Variants in RTN1 observed in about 807,000 individuals in gnomAD.
RTN1 encodes reticulon 1, also known as reticulon-1.
RTN1 carries 25 observed loss-of-function variants against 65.5 expected under a neutral mutation model. The ratio of observed to expected loss-of-function variants is 0.38; its 90% CI spans 0.28 to 0.53. The LOEUF (loss-of-function observed/expected upper bound fraction) is 0.53. RTN1 is among the 20% of genes least tolerant of loss of function. The pLI is 0.79. For synonymous variants in RTN1, 471 were observed against 447.6 expected, an observed-to-expected ratio of 1.05 and a Z score of -0.66; for missense variants, 983 against 1,025.4, an observed-to-expected ratio of 0.96 and a Z score of 0.57.
intron 1 of RTN1, among the ~76,000 whole-genome samples, chr14:59,764,062 T>C (rs1566718965): frequency 6.6e-6 from 1 of 152,006 alleles, no homozygotes; most frequent in Non-Finnish European, 1.5e-5. Flanking sequence ...GCAGAACTAA[T>C]AGCAAAACCA....
intron 3 of RTN1, among the ~76,000 whole-genome samples, chr14:59,639,283 A>G (rs1266127090): frequency 6.6e-6 from 1 of 152,238 alleles, no homozygotes; most frequent in African/African-American, 2.4e-5. Flanking sequence ...TGTCATAACT[A>G]GAAAAGAGTT....
intron 3 of RTN1, among the ~76,000 whole-genome samples, chr14:59,664,359 C>T (rs1883317489): frequency 1.3e-5 from 2 of 152,054 alleles, no homozygotes; most frequent in African/African-American, 4.8e-5. Flanking sequence ...GGAGAAATAC[C>T]TAATGTAGAT....
intron 3 of RTN1, among the ~76,000 whole-genome samples, chr14:59,615,819 T>TA (rs1441992251): frequency 2.0e-5 from 3 of 152,198 alleles, no homozygotes; most frequent in Non-Finnish European, 1.5e-5. Context: ...AGAAAAGAGA[T>TA]AGATTTATTT....
chr14:59,728,185 G>C (rs145426399), intron 2 of RTN1, among the ~76,000 whole-genome samples: 1 of 151,528 alleles, frequency 6.6e-6, no homozygotes, highest in African/African-American at 2.4e-5. Context: ...AGACAAAGCA[G>C]GTAGTTTTGA....
At chr14:59,767,798 G>C (rs761273831) in intron 1 of RTN1, among the ~76,000 whole-genome samples, 1 of 152,028 alleles carries the variant, frequency 6.6e-6, no homozygotes, top group Non-Finnish European at 1.5e-5. Flanking sequence ...TCATTGCTTT[G>C]TTCTTCTTAC....
intron 3 of RTN1, among the ~76,000 whole-genome samples, chr14:59,625,964 A>AT (rs897444461): frequency 3.9e-5 from 6 of 152,160 alleles, no homozygotes; most frequent in Admixed American, 1.3e-4. Context: ...CAGTTTTCCC[A>AT]TTGGATCCCA....
At chr14:59,720,483 A>G (rs1357510672) in intron 3 of RTN1, among the ~76,000 whole-genome samples, 1 of 152,104 alleles carries the variant, frequency 6.6e-6, no homozygotes, top group Non-Finnish European at 1.5e-5. Flanking sequence ...GCATTTTGAG[A>G]GGCCAAGGCA....
intron 1 of RTN1, among the ~76,000 whole-genome samples, chr14:59,848,190 T>C (rs1887442370): frequency 6.6e-6 from 1 of 152,226 alleles, no homozygotes; most frequent in Non-Finnish European, 1.5e-5. Flanking sequence ...AGGATCTAAC[T>C]TGTAATGGTC....
At chr14:59,815,705 G>A (rs949913798) in intron 1 of RTN1, among the ~76,000 whole-genome samples, 23 of 152,042 alleles carry the variant, frequency 1.5e-4, no homozygotes, top group Non-Finnish European at 2.9e-4. Flanking sequence ...CAACCTTTAG[G>A]CCTTCTCCTG....
At chr14:59,712,454 G>A (rs940928222) in intron 3 of RTN1, among the ~76,000 whole-genome samples, 4 of 152,118 alleles carry the variant, frequency 2.6e-5, no homozygotes, top group Non-Finnish European at 5.9e-5. Context: ...GAAACCTCCC[G>A]AGAGGCAACC....
At chr14:59,841,918 G>C (rs547771836) in intron 1 of RTN1, among the ~76,000 whole-genome samples, 2 of 152,168 alleles carry the variant, frequency 1.3e-5, no homozygotes, top group African/African-American at 2.4e-5. Context: ...CCTGAGGTCA[G>C]GAGTTCAAGA....
At chr14:59,802,050 G>C (rs1279284535) in intron 1 of RTN1, among the ~76,000 whole-genome samples, 2 of 152,158 alleles carry the variant, frequency 1.3e-5, no homozygotes, top group Non-Finnish European at 2.9e-5. Context: ...ATGTGATAGA[G>C]GAAATTGTGA....
chr14:59,817,860 A>T (rs565030930), intron 1 of RTN1, among the ~76,000 whole-genome samples: 1 of 152,324 alleles, frequency 6.6e-6, no homozygotes, highest in African/African-American at 2.4e-5. Flanking sequence ...GTGAGATCAA[A>T]TAGTTTTCTT....
intron 1 of RTN1, among the ~76,000 whole-genome samples, chr14:59,798,278 T>C (rs1014606109): frequency 4.6e-5 from 7 of 152,226 alleles, no homozygotes; most frequent in Admixed American, 2.6e-4. Flanking sequence ...AGCTCACCAC[T>C]GACTAATTGC....
intron 3 of RTN1, among the ~76,000 whole-genome samples, chr14:59,623,745 A>G (rs1342787941): frequency 1.3e-5 from 2 of 152,224 alleles, no homozygotes; most frequent in Non-Finnish European, 2.9e-5. Flanking sequence ...CAGGAGGTAG[A>G]CAGCTGTTGG....
intron 1 of RTN1, among the ~76,000 whole-genome samples, chr14:59,785,165 G>A (rs1406416398): frequency 6.6e-6 from 1 of 152,120 alleles, no homozygotes; most frequent in African/African-American, 2.4e-5. Context: ...GTTCCAAAAG[G>A]CTGGGTTTCA....
chr14:59,751,021 G>C (rs1885509518), intron 1 of RTN1, among the ~76,000 whole-genome samples: 1 of 151,542 alleles, frequency 6.6e-6, no homozygotes, highest in East Asian at 1.9e-4. Flanking sequence ...ACCTGACCAA[G>C]GAAAGTAATT....
chr14:59,649,901 T>C (rs1379288831), intron 3 of RTN1, among the ~76,000 whole-genome samples: 1 of 152,192 alleles, frequency 6.6e-6, no homozygotes, highest in Admixed American at 6.5e-5. Context: ...CATTACTGGG[T>C]ATATACCCAA....
chr14:59,726,826 G>A, intron 3 of RTN1, 93 bp downstream of exon 3: 1 of 1,039,726 alleles, frequency 9.6e-7, no homozygotes, highest in Non-Finnish European at 1.4e-6. Flanking sequence ...GCATGGGGAT[G>A]ACTCCAGGGC....
Sources: gnomAD v4.1 joint callset for allele counts (sites outside exome capture counted in the v4.1 genomes callset) on GRCh38, gnomAD v4.1.1 for gene constraint, MANE v1.5 for transcripts, NCBI Gene and HGNC (gene_info 2026-07-23, HGNC 2026-07-21) for gene names.